Variants in TRAPPC9 observed in about 807,000 individuals in gnomAD.
TRAPPC9 encodes the protein IKK2 binding protein.
A neutral mutation model predicts 124.0 loss-of-function variants in TRAPPC9; 83 were observed. That is an observed-to-expected ratio of 0.67 (90% CI 0.56 to 0.80). The LOEUF (loss-of-function observed/expected upper bound fraction) is 0.80, where lower values mean the gene tolerates loss of function less well. Ranked by LOEUF, TRAPPC9 falls within the 30% of genes least tolerant of loss-of-function variation. The pLI is 0.00. For missense variants in TRAPPC9, 1,302 were observed against 1,508.3 expected, an observed-to-expected ratio of 0.86 and a Z score of 2.27; for synonymous variants, 638 against 617.5, an observed-to-expected ratio of 1.03 and a Z score of -0.49.
In TRAPPC9 at chr8:140,051,584, T is replaced by G. The variant is rs1029688099; in HGVS notation, c.2557-27505A>C. 9.0e-3 allele frequency among the ~76,000 whole-genome samples: 1,352 copies of G among 149,952 alleles called. 20 individuals carry two copies. The highest frequency in any genetic ancestry group is 0.031 in the African/African-American group (1,280 of 40,662). ...GGAAAACATTGTTCATTCTTTTTTT[T>G]TTTTTTTTTTTTTTTGCCTTTGAGA... On this transcript the variant is annotated intron_variant, in intron 17 of 22. Coordinates refer to ENST00000438773, the MANE Select transcript of TRAPPC9 (RefSeq NM_001160372.4).
rs73362994 is a variant in TRAPPC9 at position 140,183,152 on chromosome 8, C to T, written c.2556+38307G>A. On this transcript the variant is annotated intron_variant, in intron 17 of 22. Coordinates refer to ENST00000438773, the MANE Select transcript of TRAPPC9 (RefSeq NM_001160372.4). ...TTCACCCATTCTTTAATCCAAGAAACATTTGCTGAGTCTACTAGGTACCAG... is the reference window on the plus strand; with the variant it reads ...TTCACCCATTCTTTAATCCAAGAAATATTTGCTGAGTCTACTAGGTACCAG... Among the ~76,000 whole-genome samples, 865 of 152,228 alleles carry T rather than the reference C, an allele frequency of 5.7e-3. 11 individuals carry two copies. The highest frequency in any genetic ancestry group is 0.02 in the African/African-American group (824 of 41,540).
At chr8:140,374,302 G>A (rs2068371365) in intron 7 of TRAPPC9, among the ~76,000 whole-genome samples, 1 of 152,254 alleles carries the variant, frequency 6.6e-6, no homozygotes, top group African/African-American at 2.4e-5. Context: ...GGGCGCAGTG[G>A]CGCACACCTG....
intron 21 of TRAPPC9, among the ~76,000 whole-genome samples, chr8:139,763,996 G>A (rs927969142): frequency 6.6e-6 from 1 of 152,238 alleles, no homozygotes; most frequent in Admixed American, 6.5e-5. Flanking sequence ...GTGCTCATTA[G>A]ATACACGGTA....
intron 21 of TRAPPC9, among the ~76,000 whole-genome samples, chr8:139,880,630 G>C (rs1829624021): frequency 6.6e-6 from 1 of 152,130 alleles, no homozygotes; most frequent in Non-Finnish European, 1.5e-5. Flanking sequence ...AGAGTCACGT[G>C]CCCATGTGAT....
chr8:140,093,599 C>T (rs555164951), intron 17 of TRAPPC9, among the ~76,000 whole-genome samples: 1 of 149,588 alleles, frequency 6.7e-6, no homozygotes, highest in East Asian at 2.0e-4. Flanking sequence ...ACTCAAGAGG[C>T]GGAGGGTGCA....
At chr8:139,911,276 G>A (rs1241874378) in intron 19 of TRAPPC9, 1 of 152,306 alleles carries the variant, frequency 6.6e-6, no homozygotes, top group African/African-American at 2.4e-5. Flanking sequence ...TCATGATTGT[G>A]AGGCTTCTCC....
intron 16 of TRAPPC9, among the ~76,000 whole-genome samples, chr8:140,248,736 T>C (rs140122306): frequency 9.2e-5 from 14 of 152,304 alleles, no homozygotes; most frequent in African/African-American, 3.1e-4. Context: ...ATAAGGATCA[T>C]AGGAAAAGAA....
chr8:140,063,479 C>T lies in TRAPPC9; in HGVS notation c.2557-39400G>A, dbSNP rs931907520. ...CCTGTTAGCATGTGGCATTCCAGGGCTCTAAACACATCAGACTGTGCCTTA... is the reference window on the plus strand; with the variant it reads ...CCTGTTAGCATGTGGCATTCCAGGGTTCTAAACACATCAGACTGTGCCTTA... On this transcript the variant is annotated intron_variant, in intron 17 of 22. Transcript: ENST00000438773. The surrounding 1 kb of genome is among the most constrained non-coding windows in gnomAD (Gnocchi z 4.3). Among the ~76,000 whole-genome samples the T allele has an allele frequency of 6.6e-6, 1 of 152,148 alleles. No individual in the cohort carries two copies. The highest frequency in any genetic ancestry group is 2.4e-5 in the African/African-American group (1 of 41,418).
At chr8:140,421,880 G>A (rs1027884601) in intron 5 of TRAPPC9, among the ~76,000 whole-genome samples, 3 of 145,068 alleles carry the variant, frequency 2.1e-5, no homozygotes, top group South Asian at 4.5e-4. Flanking sequence ...TGCAGAGTAA[G>A]TAATGCAGAA....
chr8:140,408,503 C>T (rs1373678290), intron 5 of TRAPPC9, among the ~76,000 whole-genome samples: 1 of 152,068 alleles, frequency 6.6e-6, no homozygotes, highest in African/African-American at 2.4e-5. Context: ...GCCTTTCTCT[C>T]CTAGAGAGAA....
At chr8:139,814,499 G>A (rs1246606243) in intron 21 of TRAPPC9, among the ~76,000 whole-genome samples, 4 of 152,098 alleles carry the variant, frequency 2.6e-5, no homozygotes, top group Non-Finnish European at 5.9e-5. Context: ...TAAAGGACAG[G>A]ACAGTGAATC....
intron 19 of TRAPPC9, among the ~76,000 whole-genome samples, chr8:139,953,138 T>A (rs912915853): frequency 6.6e-6 from 1 of 152,234 alleles, no homozygotes; most frequent in Admixed American, 6.5e-5. Context: ...CACCTTGCAC[T>A]ATCTACAACA....
intron 17 of TRAPPC9, among the ~76,000 whole-genome samples, chr8:140,175,446 A>T (rs915282012): frequency 6.6e-6 from 1 of 152,088 alleles, no homozygotes; most frequent in Non-Finnish European, 1.5e-5. Context: ...CAGGTTCTGA[A>T]AAAGAGTTGG....
At chr8:140,349,273 GGC>G (rs1490752777) in intron 9 of TRAPPC9, among the ~76,000 whole-genome samples, 1,426 of 120,940 alleles carry the variant, frequency 0.012, 15 homozygotes, top group Non-Finnish European at 0.017. Flanking sequence ...GGCCGATGGG[GGC>G]GCACGAAGGA....
chr8:139,947,598 G>A (rs761730578), intron 19 of TRAPPC9, among the ~76,000 whole-genome samples: 2 of 151,982 alleles, frequency 1.3e-5, no homozygotes, highest in African/African-American at 2.4e-5. Context: ...GGTGGCTCAC[G>A]CCTGTAATCC....
intron 10 of TRAPPC9, among the ~76,000 whole-genome samples, chr8:140,308,472 C>T (rs2066199873): frequency 6.6e-6 from 1 of 151,928 alleles, no homozygotes; most frequent in Non-Finnish European, 1.5e-5. Context: ...AGGTACGATC[C>T]ACGTGAGGAA....
In TRAPPC9 at chr8:139,907,978, A is replaced by G. The variant is rs577589813; in HGVS notation, c.2964+2169T>C. Among the ~76,000 whole-genome samples the G allele has an allele frequency of 3.9e-5, 6 of 152,248 alleles. No homozygotes were observed. The highest frequency in any genetic ancestry group is 1.2e-4 in the African/African-American group (5 of 41,558). ...GCAAGACGGGAAGACAGGATAATGA[A>G]ACCGCCCCAGGAGTCAGGTTGCCGA... On this transcript the variant is annotated intron_variant, in intron 20 of 22. Transcript: ENST00000438773. The surrounding 1 kb of genome is among the most constrained non-coding windows in gnomAD (Gnocchi z 4.7).
chr8:139,745,311 C>G (rs967703383), intron 21 of TRAPPC9, among the ~76,000 whole-genome samples: 1 of 152,212 alleles, frequency 6.6e-6, no homozygotes, highest in Non-Finnish European at 1.5e-5. Context: ...GCTTCTGCTT[C>G]CTTGTCTAAA....
At chr8:140,038,480 C>T (rs184128156) in intron 17 of TRAPPC9, among the ~76,000 whole-genome samples, 241 of 152,332 alleles carry the variant, frequency 1.6e-3, no homozygotes, top group African/African-American at 5.6e-3. Context: ...TCACAGGTCA[C>T]CAACAGCACA....
Sources: gnomAD v4.1 joint callset for allele counts (sites outside exome capture counted in the v4.1 genomes callset) on GRCh38, gnomAD v4.1.1 for gene constraint, Gnocchi (gnomAD v3.1) non-coding constraint, MANE v1.5 for transcripts, NCBI Gene and HGNC (gene_info 2026-07-23, HGNC 2026-07-21) for gene names.